The following NOL10 variants were observed in gnomAD, a reference collection of about 807,000 sequenced individuals.
The protein encoded by NOL10 is H_NH0074G24.1.
In NOL10, 58 loss-of-function variants were observed where a neutral mutation model predicts 103.5. The observed-to-expected ratio is 0.56, with a 90% CI of 0.45 to 0.70. NOL10 has a LOEUF of 0.70. Ranked by LOEUF, NOL10 falls within the 30% of genes least tolerant of loss-of-function variation. The pLI is 0.00. For missense variants in NOL10, 763 were observed against 807.3 expected (o/e 0.95, Z 0.67); for synonymous variants, 287 against 282.5 (o/e 1.02, Z -0.16).
Position 10,613,630 on chromosome 2 carries a change from G to A in NOL10, c.1027-6319C>T, listed in dbSNP as rs189717941. Among the ~76,000 whole-genome samples, 70 of 152,244 alleles carry A rather than the reference G, an allele frequency of 4.6e-4. 2 individuals carry two copies. In the East Asian group the frequency reaches 0.013, roughly 28 times the overall value. ...CAGAAGATGTTTAGTTAAAAGAATT[G>A]TCATTTTTACCTTTCAGTGATCTTA... is the stretch of plus-strand genomic sequence containing the variant. On this transcript the variant is annotated intron_variant, in intron 13 of 20. Transcript: ENST00000381685.
At chr2:10,646,743 G>T (rs1246902946) in intron 12 of NOL10, among the ~76,000 whole-genome samples, 1 of 152,190 alleles carries the variant, frequency 6.6e-6, no homozygotes, top group East Asian at 1.9e-4. Context: ...CACATAGCTA[G>T]TAAGTAGAGC....
chr2:10,615,462 G>A (rs901337739), intron 13 of NOL10, among the ~76,000 whole-genome samples: 3 of 152,132 alleles, frequency 2.0e-5, no homozygotes, highest in African/African-American at 7.2e-5. Flanking sequence ...CTTCAGTCAA[G>A]GGCTAGCAGA....
At chr2:10,663,497 T>G (rs1440133912) in intron 8 of NOL10, among the ~76,000 whole-genome samples, 1 of 152,052 alleles carries the variant, frequency 6.6e-6, no homozygotes, top group East Asian at 1.9e-4. Context: ...GGAAGAAATA[T>G]CATAATGCCT....
chr2:10,603,010 T>TG lies in NOL10; in HGVS notation c.1233+67_1233+68insC. ...TATGTATGATTTATGAAAGTGCGAG[T>TG]AGTGAGGAAATGGCCACAGACTGCG... On this transcript the variant is annotated intron_variant, in intron 15 of 20. Coordinates refer to ENST00000381685, the MANE Select transcript of NOL10 (RefSeq NM_024894.4). 3 of 1,315,738 alleles carry TG rather than the reference T, an allele frequency of 2.3e-6. No individual in the cohort carries two copies. The South Asian group carries it at 3.8e-5, about 17-fold the overall frequency. 81.5% of individuals were successfully genotyped at this position (1,315,738 alleles called of 1,614,324 possible).
chr2:10,592,592 A>G (rs1675447166), intron 17 of NOL10, among the ~76,000 whole-genome samples: 1 of 152,188 alleles, frequency 6.6e-6, no homozygotes, highest in African/African-American at 2.4e-5. Flanking sequence ...TGCCTATTAC[A>G]CATTTTCAGG....
intron 5 of NOL10, among the ~76,000 whole-genome samples, chr2:10,672,451 T>TAAAGGC (rs1355627915): frequency 1.3e-5 from 2 of 152,206 alleles, no homozygotes; most frequent in African/African-American, 4.8e-5. Flanking sequence ...AGATGGTATT[T>TAAAGGC]AAAGGCAAAT....
chr2:10,591,689 A>AG (rs1375980165), intron 17 of NOL10, among the ~76,000 whole-genome samples: 1 of 152,112 alleles, frequency 6.6e-6, no homozygotes, highest in African/African-American at 2.4e-5. Flanking sequence ...GATGATCAAC[A>AG]GAAGTGTGCT....
intron 2 of NOL10, 64 bp from the exon 3 acceptor site, chr2:10,682,133 CA>C: frequency 1.6e-6 from 1 of 636,430 alleles, no homozygotes; most frequent in Non-Finnish European, 2.5e-6. Flanking sequence ...CATAAGAAGA[CA>C]AATGGGTACC....
intron 12 of NOL10, among the ~76,000 whole-genome samples, chr2:10,652,219 G>A (rs1679515118): frequency 6.7e-6 from 1 of 150,086 alleles, no homozygotes. Flanking sequence ...CAGCCTGGGG[G>A]ACAGAGGGAG....
intron 13 of NOL10, among the ~76,000 whole-genome samples, chr2:10,617,919 G>A (rs977761597): frequency 2.6e-5 from 4 of 152,208 alleles, no homozygotes; most frequent in African/African-American, 7.2e-5. Context: ...AGTGGTTGCA[G>A]GGGCTGGGAG....
intron 13 of NOL10, among the ~76,000 whole-genome samples, chr2:10,624,684 A>T (rs1187168244): frequency 6.6e-6 from 1 of 152,206 alleles, no homozygotes; most frequent in African/African-American, 2.4e-5. Context: ...AGAAATACAA[A>T]AAGGTATGGG....
rs145078724 is a variant in NOL10 at position 10,645,775 on chromosome 2, C to G, written c.974-1403G>C. 3.0e-3 allele frequency among the ~76,000 whole-genome samples: 450 copies of G among 152,090 alleles called. 2 individuals are homozygous for G. Among genetic ancestry groups the G allele is most frequent in the African/African-American group, 9.7e-3 (401 of 41,456 alleles). On this transcript the variant is annotated intron_variant, in intron 12 of 20. Coordinates refer to ENST00000381685, the MANE Select transcript of NOL10 (RefSeq NM_024894.4). ...CAATCTCCTGACCTCATGATCCGCCCGCCTCGGCCTCCCAACATGCTGGGA... is the reference window on the plus strand; with the variant it reads ...CAATCTCCTGACCTCATGATCCGCCGGCCTCGGCCTCCCAACATGCTGGGA...
At chr2:10,655,209 A>G (rs565694586) in intron 11 of NOL10, among the ~76,000 whole-genome samples, 1 of 152,004 alleles carries the variant, frequency 6.6e-6, no homozygotes, top group African/African-American at 2.4e-5. Context: ...TTCTGCCCAA[A>G]AAAAAAAAGA....
chr2:10,652,871 G>A lies in NOL10; in HGVS notation c.973+1610C>T, dbSNP rs139155244. ...TCTGCGGATCGGTTCAGGGCTTGCC[G>A]CCTAAGAATCCACCGGGAAGTGTGT... On this transcript the variant is annotated intron_variant, in intron 12 of 20. Transcript: ENST00000381685. Among the ~76,000 whole-genome samples, 78 of 152,242 alleles carry A rather than the reference G, an allele frequency of 5.1e-4. No individual in the cohort carries two copies. The East Asian group carries it at 0.012, about 24-fold the overall frequency.
At chr2:10,617,216 A>G (rs1219425680) in intron 13 of NOL10, among the ~76,000 whole-genome samples, 2 of 152,192 alleles carry the variant, frequency 1.3e-5, no homozygotes, top group Non-Finnish European at 2.9e-5. Context: ...CTACCTGACA[A>G]CTACAAAGGC....
intron 9 of NOL10, among the ~76,000 whole-genome samples, chr2:10,662,135 A>G (rs1039276373): frequency 3.3e-5 from 5 of 152,228 alleles, no homozygotes; most frequent in Admixed American, 2.0e-4. Flanking sequence ...CCATTGACGA[A>G]TATTTTTTTC....
At chr2:10,634,521 G>C (rs934945126) in intron 13 of NOL10, 1 of 456,696 alleles carries the variant, frequency 2.2e-6, no homozygotes, top group Non-Finnish European at 4.4e-6. Flanking sequence ...AAGCCGAGTA[G>C]ACTGGTGGAT....
chr2:10,657,757 C>T lies in NOL10; in HGVS notation c.891G>A (p.Met297Ile), dbSNP rs1227289787. 6 of 1,550,382 alleles carry T rather than the reference C, an allele frequency of 3.9e-6. No individual in the cohort carries two copies. The highest frequency in any genetic ancestry group is 1.7e-4 in the Middle Eastern group (1 of 6,010). Reference protein sequence around the residue: ...ILSADSRIVKMWNKNSGKIFT... With the variant: ...ILSADSRIVKIWNKNSGKIFT... The stretch of plus-strand genomic sequence containing the variant: ...AAATACATACGGAGTTCTTATTCCA[C>T]ATCTTGACAATTCGAGAGTCAGCAG... The change falls in exon 11 of 21, where the codon ATG (methionine) becomes ATA (isoleucine). Residue 297 changes from methionine (M) to isoleucine (I), a missense_variant. By Grantham distance (10) the Met-to-Ile change is conservative (BLOSUM62 1). Coordinates refer to ENST00000381685, the MANE Select transcript of NOL10 (RefSeq NM_024894.4).
At chr2:10,615,173 T>C (rs1676768116) in intron 13 of NOL10, among the ~76,000 whole-genome samples, 1 of 152,258 alleles carries the variant, frequency 6.6e-6, no homozygotes, top group Non-Finnish European at 1.5e-5. Flanking sequence ...CATTTAAATG[T>C]ACTCTACTTG....
Sources: allele counts gnomAD v4.1 joint callset (sites outside exome capture counted in the v4.1 genomes callset), GRCh38; gene constraint gnomAD v4.1.1; transcripts MANE v1.5; gene names NCBI Gene and HGNC (gene_info 2026-07-23, HGNC 2026-07-21).